Variants in FIP1L1 observed in about 807,000 individuals in gnomAD.
The protein encoded by FIP1L1 is factor interacting with PAPOLA and CPSF1.
Under a neutral mutation model 84.6 loss-of-function variants are expected in FIP1L1, and 21 were observed. The ratio of observed to expected loss-of-function variants is 0.25; its 90% CI spans 0.18 to 0.36. The LOEUF (loss-of-function observed/expected upper bound fraction) is 0.36, where lower values mean the gene tolerates loss of function less well. Among genes scored for constraint, FIP1L1 ranks in the 10% least tolerant of loss-of-function variants. The pLI is 1.00. For synonymous variants in FIP1L1, 263 were observed against 242.3 expected (o/e 1.09, Z -0.80); for missense variants, 526 against 751.1 (o/e 0.70, Z 3.50).
intron 3 of FIP1L1, among the ~76,000 whole-genome samples, chr4:53,380,499 A>G (rs1394488617): frequency 2.0e-5 from 3 of 152,190 alleles, no homozygotes; most frequent in African/African-American, 4.8e-5. Context: ...CTATGTGACC[A>G]TATTAAAACT....
At chr4:53,429,845 C>T (rs1423123832) in intron 13 of FIP1L1, among the ~76,000 whole-genome samples, 1 of 152,040 alleles carries the variant, frequency 6.6e-6, no homozygotes, top group Non-Finnish European at 1.5e-5. Context: ...TTGAAATATA[C>T]GGTTATTAAT....
chr4:53,383,638 G>A (rs1369679399), intron 4 of FIP1L1, 135 bp from the exon 5 acceptor site: 1 of 808,596 alleles, frequency 1.2e-6, no homozygotes, highest in Non-Finnish European at 1.8e-6. Context: ...CTCAAGCCGG[G>A]GCGACAAAGT....
At chr4:53,417,757 A>ACC (rs1760294389) in intron 11 of FIP1L1, among the ~76,000 whole-genome samples, 1 of 35,168 alleles carries the variant, frequency 2.8e-5, no homozygotes, top group African/African-American at 8.8e-5. Flanking sequence ...ACACACACAC[A>ACC]CACACACTCT....
chr4:53,396,669 G>C (rs1001183113), intron 9 of FIP1L1, among the ~76,000 whole-genome samples: 1 of 152,156 alleles, frequency 6.6e-6, no homozygotes, highest in Non-Finnish European at 1.5e-5. Context: ...CTCCCAAAGC[G>C]CTGGGATTAC....
intron 13 of FIP1L1, among the ~76,000 whole-genome samples, chr4:53,428,403 C>T (rs1765177563): frequency 6.6e-6 from 1 of 151,922 alleles, no homozygotes; most frequent in Non-Finnish European, 1.5e-5. Flanking sequence ...ATACAGATAC[C>T]AATCTTGTGA....
chr4:53,459,808 T>A lies in FIP1L1; in HGVS notation c.*359T>A. 3.3e-6 allele frequency: 1 copy of A among 304,178 alleles called. No individual in the cohort carries two copies. The highest frequency in any genetic ancestry group is 4.7e-5 in the Admixed American group (1 of 21,108). The allele number at this position is 304,178 out of a possible 1,614,324, so 18.8% of individuals were successfully genotyped here. A position where few individuals can be genotyped will look rare whatever the true frequency, so the allele number is the denominator to read the frequency against. On this transcript the variant is annotated 3_prime_UTR_variant, in exon 18 of 18. Transcript: ENST00000337488. The stretch of plus-strand genomic sequence containing the variant: ...TTTTTTTGTTAATCAAACACCACTC[T>A]CTTAAGAGGCTGCATCACAAAAGGC...
At chr4:53,442,582 G>A in intron 13 of FIP1L1, 71 bp from the exon 14 acceptor site, 1 of 1,040,900 alleles carries the variant, frequency 9.6e-7, no homozygotes, top group Non-Finnish European at 1.5e-6. Flanking sequence ...GTGATATGCA[G>A]CAACTTTGTT....
chr4:53,401,601 A>G (rs1750294884), intron 10 of FIP1L1, among the ~76,000 whole-genome samples: 1 of 152,222 alleles, frequency 6.6e-6, no homozygotes, highest in African/African-American at 2.4e-5. Context: ...CCAATAGCCT[A>G]TCTTGATGGA....
intron 15 of FIP1L1, among the ~76,000 whole-genome samples, chr4:53,448,360 A>G (rs1329252410): frequency 6.6e-6 from 1 of 152,046 alleles, no homozygotes; most frequent in Non-Finnish European, 1.5e-5. Flanking sequence ...AAATTCCATA[A>G]TATCTTTAAT....
intron 15 of FIP1L1, 55 bp from the exon 16 acceptor site, chr4:53,452,857 TGGTGGGCA>T: frequency 8.2e-7 from 1 of 1,216,888 alleles, no homozygotes; most frequent in Admixed American, 1.8e-5. Flanking sequence ...GACACATTTT[TGGTGGGCA>T]TTTTGTTTTT....
At chr4:53,399,878 T>C (rs760139722) in intron 10 of FIP1L1, 39 bp downstream of exon 10, 12 of 1,304,742 alleles carry the variant, frequency 9.2e-6, no homozygotes, top group Non-Finnish European at 1.2e-5. Context: ...TGTACGACAT[T>C]GGTATCTTTA....
At chr4:53,396,432 T>C (rs1220408835) in intron 9 of FIP1L1, among the ~76,000 whole-genome samples, 2 of 152,066 alleles carry the variant, frequency 1.3e-5, no homozygotes, top group African/African-American at 4.8e-5. Context: ...GATGGAGTCT[T>C]GCTCTGTCAC....
chr4:53,399,583 T>C, intron 9 of FIP1L1, 147 bp from the exon 10 acceptor site: 1 of 588,010 alleles, frequency 1.7e-6, no homozygotes, highest in South Asian at 2.2e-5. Flanking sequence ...TGTTCTAAAA[T>C]AGGCTAATTT....
intron 11 of FIP1L1, among the ~76,000 whole-genome samples, chr4:53,421,727 A>G (rs1762503541): frequency 6.6e-6 from 1 of 152,190 alleles, no homozygotes; most frequent in African/African-American, 2.4e-5. Context: ...TATGTGATTC[A>G]CCCATTCTTT....
chr4:53,452,974 C>G lies in FIP1L1; in HGVS notation c.1340C>G (p.Thr447Ser). The change falls in exon 16 of 18, where the codon ACC (threonine) becomes AGC (serine). Residue 447 changes from threonine (T) to serine (S), a missense_variant. Coordinates refer to ENST00000337488, the MANE Select transcript of FIP1L1 (RefSeq NM_030917.4). ...SAPSWPSLVD[T>S]SKQWDYYARR... ...CCTTCGTGGCCTAGTCTTGTGGACA[C>G]CAGCAAGCAGTGGGACTATTATGCC... 1 of 1,613,296 alleles carries G rather than the reference C, an allele frequency of 6.2e-7. No individual in the cohort carries two copies. The highest frequency in any genetic ancestry group is 8.5e-7 in the Non-Finnish European group (1 of 1,179,924).
intron 15 of FIP1L1, among the ~76,000 whole-genome samples, chr4:53,451,300 G>GT (rs1163233147): frequency 0.01 from 1,456 of 141,128 alleles, 20 homozygotes; most frequent in African/African-American, 0.034. Context: ...ATCGGGGGTT[G>GT]TTTTTTTTTT....
chr4:53,408,657 C>T (rs953147719), intron 10 of FIP1L1, among the ~76,000 whole-genome samples: 3 of 152,194 alleles, frequency 2.0e-5, no homozygotes, highest in African/African-American at 7.2e-5. Context: ...TTGGTCTTTT[C>T]ACATAGTCCC....
chr4:53,436,347 C>A (rs1370043085), intron 13 of FIP1L1, among the ~76,000 whole-genome samples: 1 of 152,226 alleles, frequency 6.6e-6, no homozygotes, highest in African/African-American at 2.4e-5. Context: ...CAAGCTCACT[C>A]ACCTCTTTGT....
chr4:53,454,129 T>G (rs995164454), intron 16 of FIP1L1, among the ~76,000 whole-genome samples: 57 of 152,356 alleles, frequency 3.7e-4, no homozygotes, highest in African/African-American at 1.2e-3. Flanking sequence ...TGATTTTAGT[T>G]ATTTATATTC....
Sources: gnomAD v4.1 joint callset for allele counts (sites outside exome capture counted in the v4.1 genomes callset) on GRCh38, gnomAD v4.1.1 for gene constraint, MANE v1.5 for transcripts, NCBI Gene and HGNC (gene_info 2026-07-23, HGNC 2026-07-21) for gene names.